Variants in ERC1 observed in about 807,000 individuals in gnomAD.
The protein encoded by ERC1 is RAB6 interacting protein 2.
In ERC1, 56 loss-of-function variants were observed where a neutral mutation model predicts 132.0. The observed-to-expected ratio is 0.42, with a 90% confidence interval of 0.34 to 0.53. The LOEUF is 0.53. Among genes scored for constraint, ERC1 ranks in the 20% least tolerant of loss-of-function variants. The pLI is 0.03. For missense variants in ERC1, 1,202 were observed against 1,349.9 expected, an observed-to-expected ratio of 0.89 and a Z score of 1.72; for synonymous variants, 478 against 476.1, an observed-to-expected ratio of 1.00 and a Z score of -0.05.
chr12:1,001,451 T>C lies in ERC1; in HGVS notation c.-157+10129T>C, dbSNP rs537154088. 8.5e-5 allele frequency among the ~76,000 whole-genome samples: 13 copies of C among 152,354 alleles called. No homozygotes were observed. The South Asian group carries it at 2.7e-3, about 32-fold the overall frequency. On this transcript the variant is annotated intron_variant, in intron 1 of 18. Coordinates refer to ENST00000360905, the MANE Select transcript of ERC1 (RefSeq NM_178040.4). ...TATGAATCAGACACTTGTATAACCATGATGTAGGTCAAGCACTAGGACCTT... is the reference window on the plus strand; with the variant it reads ...TATGAATCAGACACTTGTATAACCACGATGTAGGTCAAGCACTAGGACCTT...
At chr12:1,122,601 G>A (rs56052020) in intron 7 of ERC1, among the ~76,000 whole-genome samples, 56 of 4,364 alleles carry the variant, frequency 0.013, 7 homozygotes, top group South Asian at 0.051. Flanking sequence ...CTCTATCTGT[G>A]TCTCTATCTC....
chr12:1,368,002 G>A (rs2086830245), intron 15 of ERC1, among the ~76,000 whole-genome samples: 1 of 146,334 alleles, frequency 6.8e-6, no homozygotes, highest in African/African-American at 2.6e-5. Context: ...AACAGAACAA[G>A]GAGAGTAATT....
At chr12:1,205,876 C>G (rs1957311550) in intron 12 of ERC1, among the ~76,000 whole-genome samples, 1 of 152,020 alleles carries the variant, frequency 6.6e-6, no homozygotes, top group Admixed American at 6.6e-5. Context: ...CATAGTTAGT[C>G]CTTTGCACGA....
chr12:1,016,638 T>TC (rs1445430326), intron 1 of ERC1, among the ~76,000 whole-genome samples: 2 of 150,234 alleles, frequency 1.3e-5, no homozygotes, highest in Admixed American at 6.6e-5. Context: ...TTCTTTTCTT[T>TC]TTTTTTTTTT....
At chr12:1,447,097 C>G (rs541070464) in intron 18 of ERC1, among the ~76,000 whole-genome samples, 42 of 151,136 alleles carry the variant, frequency 2.8e-4, no homozygotes, top group African/African-American at 9.5e-4. Flanking sequence ...TAACCATATA[C>G]TAAAAATGTA....
intron 13 of ERC1, among the ~76,000 whole-genome samples, chr12:1,239,294 G>A (rs987613298): frequency 1.3e-5 from 2 of 151,988 alleles, no homozygotes; most frequent in Admixed American, 1.3e-4. Flanking sequence ...GGCTCCACAC[G>A]AACCTCCTGC....
At chr12:1,334,257 T>TTTGCTTTTGTTGCAG (rs2083124708) in intron 15 of ERC1, among the ~76,000 whole-genome samples, 1 of 152,244 alleles carries the variant, frequency 6.6e-6, no homozygotes, top group African/African-American at 2.4e-5. Flanking sequence ...TTCATCAATT[T>TTTGCTTTTGTTGCAG]TTGCTTTTGT....
chr12:1,268,065 C>A (rs533844212), intron 14 of ERC1, among the ~76,000 whole-genome samples: 27 of 152,266 alleles, frequency 1.8e-4, no homozygotes, highest in African/African-American at 6.0e-4. Flanking sequence ...ACAGTTATCA[C>A]CAGAATACCC....
intron 15 of ERC1, among the ~76,000 whole-genome samples, 191 bp downstream of exon 15, chr12:1,290,203 G>C (rs1368256366): frequency 1.3e-5 from 2 of 152,066 alleles, no homozygotes; most frequent in East Asian, 3.9e-4. Flanking sequence ...AATATTTTTG[G>C]TTCCTCTTTA....
intron 12 of ERC1, among the ~76,000 whole-genome samples, chr12:1,231,289 C>T (rs1399594360): frequency 1.3e-5 from 2 of 152,104 alleles, no homozygotes; most frequent in South Asian, 2.1e-4. Context: ...TAATTACCTA[C>T]AAAAATTCTG....
intron 12 of ERC1, among the ~76,000 whole-genome samples, chr12:1,194,990 A>C (rs1956084786): frequency 6.6e-6 from 1 of 152,042 alleles, no homozygotes; most frequent in Non-Finnish European, 1.5e-5. Context: ...AATTCAGCCA[A>C]GTGATTATTT....
At chr12:1,172,825 A>G (rs1436831882) in intron 8 of ERC1, among the ~76,000 whole-genome samples, 1 of 152,234 alleles carries the variant, frequency 6.6e-6, no homozygotes, top group East Asian at 1.9e-4. Flanking sequence ...TTTTATTGTC[A>G]GGTCCTCCTT....
intron 16 of ERC1, chr12:1,380,763 A>G (rs17223476): frequency 0.051 from 7,787 of 152,550 alleles, 334 homozygotes; most frequent in African/African-American, 0.11. Context: ...CTTGGTCACC[A>G]ATTCTATAAC....
chr12:1,189,816 C>G (rs771995828), intron 11 of ERC1, 43 bp from the exon 12 acceptor site: 1 of 1,487,828 alleles, frequency 6.7e-7, no homozygotes, highest in Non-Finnish European at 9.0e-7. Flanking sequence ...TGCCCATTGC[C>G]ACCTGTGTGT....
intron 15 of ERC1, among the ~76,000 whole-genome samples, chr12:1,334,627 A>C (rs1202895379): frequency 6.6e-6 from 1 of 152,168 alleles, no homozygotes; most frequent in Admixed American, 6.5e-5. Flanking sequence ...TGTTTTGGTT[A>C]CTGTAGCCCT....
chr12:1,053,189 G>C (rs757929178), intron 2 of ERC1, among the ~76,000 whole-genome samples: 4 of 152,124 alleles, frequency 2.6e-5, no homozygotes. Flanking sequence ...AAAATGACTT[G>C]TTTCCCCTAT....
intron 14 of ERC1, among the ~76,000 whole-genome samples, chr12:1,282,349 C>A (rs2078737747): frequency 6.6e-6 from 1 of 152,032 alleles, no homozygotes; most frequent in South Asian, 2.1e-4. Flanking sequence ...TACTTTATAC[C>A]CACCATATAG....
intron 16 of ERC1, chr12:1,386,501 A>AG (rs2089367889): frequency 6.6e-6 from 1 of 151,768 alleles, no homozygotes; most frequent in Non-Finnish European, 1.5e-5. Flanking sequence ...TACAAAAATT[A>AG]GCCAGCCATG....
chr12:1,314,296 C>A (rs922869770), intron 15 of ERC1, among the ~76,000 whole-genome samples: 1 of 152,124 alleles, frequency 6.6e-6, no homozygotes, highest in African/African-American at 2.4e-5. Context: ...AAACTATACA[C>A]GCAGATGACT....
Sources: gnomAD v4.1 joint callset for allele counts (sites outside exome capture counted in the v4.1 genomes callset) on GRCh38, gnomAD v4.1.1 for gene constraint, MANE v1.5 for transcripts, NCBI Gene and HGNC (gene_info 2026-07-23, HGNC 2026-07-21) for gene names.